WDR70: variants seen among roughly 807,000 people sequenced by gnomAD.
WDR70 encodes the protein WD repeat-containing protein 70.
In WDR70, 53 loss-of-function variants were observed where a neutral mutation model predicts 88.6. That is an observed-to-expected ratio of 0.60 (90% CI 0.48 to 0.75). WDR70 has a LOEUF of 0.75. Among genes scored for constraint, WDR70 ranks in the 30% least tolerant of loss-of-function variants. The pLI is 0.00. For synonymous variants in WDR70, 280 were observed against 270.0 expected (o/e 1.04, Z -0.36); for missense variants, 610 against 823.2 (o/e 0.74, Z 3.17).
At chr5:37,387,892 A>G (rs1358655027) in intron 3 of WDR70, among the ~76,000 whole-genome samples, 1 of 152,090 alleles carries the variant, frequency 6.6e-6, no homozygotes, top group Non-Finnish European at 1.5e-5. Context: ...TATTGATAGT[A>G]CACTTGAGGA....
At chr5:37,620,562 A>G (rs1744480963) in intron 10 of WDR70, among the ~76,000 whole-genome samples, 1 of 152,224 alleles carries the variant, frequency 6.6e-6, no homozygotes, top group Non-Finnish European at 1.5e-5. Flanking sequence ...ACACAGGCAT[A>G]TATGAAACTG....
intron 10 of WDR70, among the ~76,000 whole-genome samples, chr5:37,647,487 G>C (rs1745271961): frequency 6.6e-6 from 1 of 152,068 alleles, no homozygotes; most frequent in African/African-American, 2.4e-5. Context: ...TTGTAGTTTT[G>C]GCTTGTTTTT....
At chr5:37,537,549 G>C (rs1741701841) in intron 9 of WDR70, among the ~76,000 whole-genome samples, 1 of 152,134 alleles carries the variant, frequency 6.6e-6, no homozygotes, top group Non-Finnish European at 1.5e-5. Context: ...AGCTTCCATT[G>C]TTTAAAATGG....
At chr5:37,515,777 C>T (rs1022997675) in intron 8 of WDR70, among the ~76,000 whole-genome samples, 5 of 152,188 alleles carry the variant, frequency 3.3e-5, no homozygotes, top group African/African-American at 9.6e-5. Flanking sequence ...TTCTATCCCA[C>T]GTAAATCTGA....
chr5:37,615,673 C>T (rs757661385), intron 10 of WDR70, among the ~76,000 whole-genome samples: 3 of 152,188 alleles, frequency 2.0e-5, no homozygotes, highest in African/African-American at 7.2e-5. Context: ...GTGAAACAAC[C>T]CACCAGGATT....
chr5:37,724,637 C>T (rs1747916888), intron 15 of WDR70: 1 of 279,486 alleles, frequency 3.6e-6, no homozygotes, highest in South Asian at 6.3e-5. Flanking sequence ...TTTTCAAAAC[C>T]ACGGTAATTA....
At chr5:37,582,772 A>G (rs1225959990) in intron 9 of WDR70, among the ~76,000 whole-genome samples, 1 of 152,246 alleles carries the variant, frequency 6.6e-6, no homozygotes, top group Non-Finnish European at 1.5e-5. Flanking sequence ...GTAAGCAACG[A>G]GCATCTCTGT....
intron 10 of WDR70, among the ~76,000 whole-genome samples, chr5:37,626,106 G>A (rs1744658927): frequency 6.6e-6 from 1 of 150,854 alleles, no homozygotes; most frequent in South Asian, 2.1e-4. Flanking sequence ...CGATTTGGAT[G>A]CCTTTTATAT....
chr5:37,679,301 A>T (rs1370038533), intron 10 of WDR70, among the ~76,000 whole-genome samples: 2 of 151,944 alleles, frequency 1.3e-5, no homozygotes, highest in African/African-American at 4.8e-5. Context: ...GGAGGAGGAG[A>T]GGCACCCTGC....
chr5:37,467,734 T>A (rs1488107146), intron 7 of WDR70, among the ~76,000 whole-genome samples: 1 of 150,638 alleles, frequency 6.6e-6, no homozygotes, highest in Non-Finnish European at 1.5e-5. Context: ...ATTTTATTTT[T>A]TTTAGAGATG....
intron 10 of WDR70, among the ~76,000 whole-genome samples, chr5:37,607,419 T>C (rs1744063773): frequency 6.6e-6 from 1 of 152,158 alleles, no homozygotes; most frequent in African/African-American, 2.4e-5. Context: ...AAAACATTCA[T>C]AATTGCCCCA....
At chr5:37,396,839 C>CAA (rs1371585749) in intron 5 of WDR70, among the ~76,000 whole-genome samples, 2 of 151,950 alleles carry the variant, frequency 1.3e-5, no homozygotes, top group South Asian at 4.2e-4. Context: ...AAAAAACAAA[C>CAA]AAAAAACCAA....
intron 9 of WDR70, among the ~76,000 whole-genome samples, chr5:37,517,171 C>T (rs1271576979): frequency 6.6e-6 from 1 of 152,124 alleles, no homozygotes; most frequent in Non-Finnish European, 1.5e-5. Flanking sequence ...ACTCAAAGGA[C>T]TTTGAAGTTG....
At chr5:37,591,549 T>C (rs1287425801) in intron 9 of WDR70, among the ~76,000 whole-genome samples, 5 of 152,184 alleles carry the variant, frequency 3.3e-5, no homozygotes, top group Admixed American at 2.6e-4. Context: ...AGACTGGATG[T>C]GTAATTAAAA....
intron 10 of WDR70, among the ~76,000 whole-genome samples, chr5:37,664,854 T>A (rs1036369819): frequency 6.6e-6 from 1 of 152,250 alleles, no homozygotes; most frequent in Non-Finnish European, 1.5e-5. Flanking sequence ...ATCAGCATTA[T>A]ACTTTTAAAT....
At chr5:37,740,675 T>C (rs1748447578) in intron 17 of WDR70, among the ~76,000 whole-genome samples, 1 of 152,212 alleles carries the variant, frequency 6.6e-6, no homozygotes, top group African/African-American at 2.4e-5. Flanking sequence ...AGGATGGGCC[T>C]GAGAGTGTAA....
At chr5:37,517,857 TTTATTATA>T (rs1430289791) in intron 9 of WDR70, among the ~76,000 whole-genome samples, 2 of 147,372 alleles carry the variant, frequency 1.4e-5, no homozygotes, top group Admixed American at 6.8e-5. Context: ...TATATTATTT[TTTATTATA>T]TTATTATATT....
At chr5:37,424,380 T>C (rs1202522379) in intron 5 of WDR70, among the ~76,000 whole-genome samples, 1 of 146,824 alleles carries the variant, frequency 6.8e-6, no homozygotes, top group Non-Finnish European at 1.5e-5. Context: ...GTACTGCACT[T>C]TGCAAGTGAC....
At chr5:37,497,316 T>TCCTTCCCTTC (rs1363850378) in intron 8 of WDR70, among the ~76,000 whole-genome samples, 1 of 134,270 alleles carries the variant, frequency 7.4e-6, no homozygotes, top group Non-Finnish European at 1.6e-5. Context: ...CCCTTCCCTT[T>TCCTTCCCTTC]CCTTCCCTTC....
Sources: allele counts gnomAD v4.1 joint callset (sites outside exome capture counted in the v4.1 genomes callset), GRCh38; gene constraint gnomAD v4.1.1; transcripts MANE v1.5; gene names NCBI Gene and HGNC (gene_info 2026-07-23, HGNC 2026-07-21).